C3orf33: variants seen among roughly 807,000 people sequenced by gnomAD.
C3orf33 encodes AP-1 activity suppressor.
C3orf33 carries 23 observed loss-of-function variants against 28.7 expected under a neutral mutation model. The ratio of observed to expected loss-of-function variants is 0.80; its 90% CI spans 0.58 to 1.13. C3orf33 has a LOEUF of 1.13. C3orf33 is among the 50% of genes most tolerant of loss of function. The pLI, the probability that C3orf33 is intolerant of heterozygous loss-of-function variation, is 0.00. For synonymous variants in C3orf33, 119 were observed against 120.5 expected (o/e 0.99, Z 0.08); for missense variants, 327 against 353.4 (o/e 0.93, Z 0.60).
chr3:155,786,681 A>T (rs1024185673), intron 2 of C3orf33, among the ~76,000 whole-genome samples: 2 of 152,116 alleles, frequency 1.3e-5, no homozygotes, highest in African/African-American at 4.8e-5. Context: ...ACAAAAAAAA[A>T]TTAGCTGAGC....
intron 2 of C3orf33, among the ~76,000 whole-genome samples, chr3:155,789,872 G>A (rs1449967893): frequency 1.3e-5 from 2 of 152,058 alleles, no homozygotes; most frequent in East Asian, 3.9e-4. Flanking sequence ...GAAAAGACAG[G>A]CTTTTCAAAA....
intron 3 of C3orf33, 29 bp downstream of exon 3, chr3:155,775,672 T>G (rs578013739): frequency 5.7e-6 from 8 of 1,406,786 alleles, no homozygotes; most frequent in Non-Finnish European, 7.7e-6. Flanking sequence ...CCACAATAGT[T>G]AGTTTCATTA....
chr3:155,791,078 G>A (rs867227337), intron 2 of C3orf33, among the ~76,000 whole-genome samples: 12 of 152,286 alleles, frequency 7.9e-5, no homozygotes, highest in African/African-American at 2.6e-4. Flanking sequence ...TCTACCTGAG[G>A]AGAGGAAAAG....
At chr3:155,785,046 A>G (rs1439355510) in intron 2 of C3orf33, among the ~76,000 whole-genome samples, 1 of 151,950 alleles carries the variant, frequency 6.6e-6, no homozygotes, top group Non-Finnish European at 1.5e-5. Context: ...ATTCCATGCA[A>G]ATAATAACCA....
Position 155,763,922 on chromosome 3 carries a change from G to T in C3orf33, c.484-4C>A. ...GATTCACGCTGAAATATCCACCCTT[G>T]AATTTAAAAATAATACAAACCAATT... On this transcript the variant is annotated splice_region_variant and splice_polypyrimidine_tract_variant and intron_variant, in intron 4 of 4. Transcript: ENST00000340171. 7.1e-7 allele frequency: 1 copy of T among 1,399,796 alleles called. No homozygotes were observed. The highest frequency in any genetic ancestry group is 9.3e-7 in the Non-Finnish European group (1 of 1,075,092). The allele number at this position is 1,399,796 out of a possible 1,614,324, so 86.7% of individuals were successfully genotyped here.
intron 2 of C3orf33, among the ~76,000 whole-genome samples, chr3:155,798,664 C>T (rs1483420911): frequency 1.3e-5 from 2 of 152,132 alleles, no homozygotes; most frequent in African/African-American, 4.8e-5. Flanking sequence ...AACTATAACT[C>T]TCCTACAAGA....
At chr3:155,805,233 C>T (rs911713553) in intron 1 of C3orf33, among the ~76,000 whole-genome samples, 6 of 151,136 alleles carry the variant, frequency 4.0e-5, no homozygotes, top group Admixed American at 1.3e-4. Flanking sequence ...GAGGCCGAGG[C>T]GGGCAGATCT....
chr3:155,805,489 G>A, intron 1 of C3orf33: 1 of 404,576 alleles, frequency 2.5e-6, no homozygotes. Flanking sequence ...GGGAGGCTGA[G>A]GTGGGAGATC....
chr3:155,763,792 C>G lies in C3orf33; in HGVS notation c.610G>C (p.Ala204Pro), dbSNP rs752474590. ...CCTTTTTTTAAGGCTGTTAATTCAG[C>G]TTTAAGTAAGTTTCTGTGAACTGTC... ...YWTVHRNLLK[A>P]ELTALKKGEG... The change falls in exon 5 of 5, where the codon GCT becomes CCT. Residue 204 changes from alanine (A) to proline (P), a missense_variant. Physicochemically the swap from Ala to Pro is conservative, Grantham distance 27 (BLOSUM62 -1). Coordinates refer to ENST00000340171, the MANE Select transcript of C3orf33 (RefSeq NM_001308229.2). 1.2e-6 allele frequency: 2 copies of G among 1,605,460 alleles called. No individual in the cohort carries two copies. Among genetic ancestry groups the G allele is most frequent in the Non-Finnish European group, 1.7e-6 (2 of 1,176,894 alleles).
In C3orf33 at chr3:155,777,341, G is replaced by A. The variant is rs565501073; in HGVS notation, c.175-1493C>T. 1.4e-3 allele frequency among the ~76,000 whole-genome samples: 211 copies of A among 151,942 alleles called. 1 individual carries two copies. The highest frequency in any genetic ancestry group is 4.8e-3 in the African/African-American group (200 of 41,444). On this transcript the variant is annotated intron_variant, in intron 2 of 4. Coordinates refer to ENST00000340171, the MANE Select transcript of C3orf33 (RefSeq NM_001308229.2). ...AAAAAAAATTAAAAAAAAAATCATA[G>A]TGACAATCAAGATCTGAATACAGAC...
intron 2 of C3orf33, among the ~76,000 whole-genome samples, chr3:155,777,072 C>T (rs187539015): frequency 6.6e-6 from 1 of 151,972 alleles, no homozygotes; most frequent in African/African-American, 2.4e-5. Flanking sequence ...AATCCTAGCA[C>T]TTTTGGAGGC....
At chr3:155,779,948 A>C (rs1171916565) in intron 2 of C3orf33, among the ~76,000 whole-genome samples, 1 of 152,224 alleles carries the variant, frequency 6.6e-6, no homozygotes, top group Non-Finnish European at 1.5e-5. Flanking sequence ...CATTGCATCC[A>C]TTTATTTTAT....
chr3:155,793,761 G>C (rs1332468174), intron 2 of C3orf33, among the ~76,000 whole-genome samples: 4 of 126,864 alleles, frequency 3.2e-5, no homozygotes, highest in African/African-American at 1.2e-4. Context: ...AGTGAGCCGA[G>C]ATCGCACCAC....
intron 4 of C3orf33, among the ~76,000 whole-genome samples, chr3:155,766,080 G>A (rs1243758701): frequency 6.6e-6 from 1 of 152,140 alleles, no homozygotes; most frequent in Non-Finnish European, 1.5e-5. Context: ...CCAGGTTGGA[G>A]TACATTGGTG....
Position 155,767,621 on chromosome 3 carries a change from G to A in C3orf33, c.371C>T (p.Ala124Val), listed in dbSNP as rs754521952. The A allele has an allele frequency of 3.8e-5, 60 of 1,587,584 alleles. No homozygotes were observed. In the South Asian group the frequency reaches 6.5e-4, roughly 17 times the overall value. Residue 124 changes from alanine (A) to valine (V), a missense_variant, in exon 4 of 5, where the codon GCT becomes GTT. Ala to Val is a moderately conservative substitution (Grantham distance 64). Coordinates refer to ENST00000340171, the MANE Select transcript of C3orf33 (RefSeq NM_001308229.2). ...LLVKLAGVEL[A>V]ETGKAWLQKE... ...TTGTAACCATGCCTTCCCAGTTTCA[G>A]CGAGTTCTACTCCAGCCAACTTAAC... is the stretch of plus-strand genomic sequence containing the variant.
chr3:155,786,702 G>A (rs1363365552), intron 2 of C3orf33, among the ~76,000 whole-genome samples: 2 of 152,032 alleles, frequency 1.3e-5, no homozygotes, highest in Non-Finnish European at 2.9e-5. Context: ...ATGGTGGCAG[G>A]TGCCTGTAAT....
At chr3:155,779,702 A>C in intron 2 of C3orf33, among the ~76,000 whole-genome samples, 1 of 152,246 alleles carries the variant, frequency 6.6e-6, no homozygotes, top group East Asian at 1.9e-4. Context: ...AACTGACAGT[A>C]CTTTGCCCAG....
intron 2 of C3orf33, among the ~76,000 whole-genome samples, chr3:155,781,723 C>T (rs1391859834): frequency 3.5e-4 from 41 of 117,494 alleles, no homozygotes; most frequent in African/African-American, 1.1e-3. Flanking sequence ...GAGCCAAAAT[C>T]GCACCACTGC....
At chr3:155,784,540 G>A (rs1751040115) in intron 2 of C3orf33, among the ~76,000 whole-genome samples, 1 of 151,902 alleles carries the variant, frequency 6.6e-6, no homozygotes, top group Non-Finnish European at 1.5e-5. Context: ...AGGAGTTCGA[G>A]ACCAGCCTGG....
Sources: gnomAD v4.1 joint callset for allele counts (sites outside exome capture counted in the v4.1 genomes callset) on GRCh38, gnomAD v4.1.1 for gene constraint, MANE v1.5 for transcripts, NCBI Gene and HGNC (gene_info 2026-07-23, HGNC 2026-07-21) for gene names.